Variants in MTARC1 observed in about 807,000 individuals in gnomAD.
The protein encoded by MTARC1 is mitochondrial amidoxime-reducing component 1.
Under a neutral mutation model 33.6 loss-of-function variants are expected in MTARC1, and 24 were observed. The ratio of observed to expected loss-of-function variants is 0.72; its 90% CI spans 0.52 to 1.01. The LOEUF is 1.01. Ranked by LOEUF, MTARC1 falls within the 50% of genes least tolerant of loss-of-function variation. The pLI, the probability that MTARC1 is intolerant of heterozygous loss-of-function variation, is 0.00. For synonymous variants in MTARC1, 187 were observed against 189.5 expected (o/e 0.99, Z 0.11); for missense variants, 417 against 445.7 (o/e 0.94, Z 0.58).
rs1297369032 is a variant in MTARC1 at position 220,813,592 on chromosome 1, A to C, written c.*174A>C. 80 of 754,372 alleles carry C rather than the reference A, an allele frequency of 1.1e-4. 1 individual carries two copies. In the Admixed American group the frequency reaches 2.2e-3, roughly 21 times the overall value. The allele number at this position is 754,372 out of a possible 1,614,324, so 46.7% of individuals were successfully genotyped here. A position where few individuals can be genotyped will look rare whatever the true frequency, so the allele number is the denominator to read the frequency against. On this transcript the variant is annotated 3_prime_UTR_variant, in exon 7 of 7. Coordinates refer to ENST00000366910, the MANE Select transcript of MTARC1 (RefSeq NM_022746.4). ...TCTCAATGCTTCAATGTCCCAGTGCAAAAAGTAAAGAAATATAGTCTCAAT... is the reference window on the plus strand; with the variant it reads ...TCTCAATGCTTCAATGTCCCAGTGCCAAAAGTAAAGAAATATAGTCTCAAT...
intron 5 of MTARC1, 29 bp from the exon 6 acceptor site, chr1:220,805,174 C>G (rs754762560): frequency 1.2e-5 from 19 of 1,613,934 alleles, no homozygotes; most frequent in Non-Finnish European, 1.6e-5. Flanking sequence ...TGCTCTGTCC[C>G]CCTTATGATG....
Position 220,803,409 on chromosome 1 carries a change from G to A in MTARC1, c.754-1643G>A, listed in dbSNP as rs112919559. Among the ~76,000 whole-genome samples, 1,375 of 152,278 alleles carry A rather than the reference G, an allele frequency of 9.0e-3. 8 individuals carry two copies. The highest frequency in any genetic ancestry group is 0.012 in the Non-Finnish European group (807 of 68,026). On this transcript the variant is annotated intron_variant, in intron 4 of 6. Transcript: ENST00000366910. ...TGGAGACACAGCCAAACCATATCAC[G>A]AACGAAAGCTCCAAACTGCAAACTG...
Position 220,787,090 on chromosome 1 carries a change from G to C in MTARC1, c.146G>C (p.Arg49Pro). The change falls in exon 1 of 7, where the codon CGG becomes CCG. Residue 49 changes from arginine to proline, a missense_variant. Arg to Pro is a moderately radical substitution (Grantham distance 103, BLOSUM62 -2). Transcript: ENST00000366910. The part of the protein sequence containing the change: ...AWRRAWPTRR[R>P]RLLQQVGTVA... ...CGCCGCGCATGGCCCACGCGGCGCCGGCGGCTGCTGCAGCAGGTGGGCACA... is the reference window on the plus strand; with the variant it reads ...CGCCGCGCATGGCCCACGCGGCGCCCGCGGCTGCTGCAGCAGGTGGGCACA... 6.6e-7 allele frequency: 1 copy of C among 1,506,404 alleles called. No individual in the cohort carries two copies. Among genetic ancestry groups the C allele is most frequent in the Non-Finnish European group, 8.8e-7 (1 of 1,131,242 alleles). The allele number at this position is 1,506,404 out of a possible 1,614,324, so 93.3% of individuals were successfully genotyped here. A position where few individuals can be genotyped will look rare whatever the true frequency, so the allele number is the denominator to read the frequency against.
intron 4 of MTARC1, chr1:220,798,260 A>T (rs1672684822): frequency 1.4e-6 from 2 of 1,416,292 alleles, no homozygotes; most frequent in Non-Finnish European, 1.9e-6. Flanking sequence ...TTCTAAGGAG[A>T]ATTCTGAGTT....
In MTARC1 at chr1:220,805,091, A is replaced by G. The variant is rs1316191330; in HGVS notation, c.793A>G (p.Lys265Glu). 1 of 1,613,990 alleles carries G rather than the reference A, an allele frequency of 6.2e-7. No individual in the cohort carries two copies. The highest frequency in any genetic ancestry group is 1.3e-5 in the African/African-American group (1 of 74,898). Residue 265 changes from lysine to glutamate, a missense_variant, in exon 5 of 7, where the codon AAA becomes GAA. Lys to Glu is a moderately conservative substitution (Grantham distance 56). Coordinates refer to ENST00000366910, the MANE Select transcript of MTARC1 (RefSeq NM_022746.4). ...GCTTCTTATTGGTGACGTGGAACTG[A>G]AAAGGGTGATGGCTTGTTCCAGGTA... Reference protein sequence around the residue: ...DELLIGDVELKRVMACSRCIL... With the variant: ...DELLIGDVELERVMACSRCIL...
At position 220,816,536 on chromosome 1, in the gene MTARC1, A is replaced by G. The variant is rs1351659986; in HGVS notation, c.*3118A>G. 6.6e-6 allele frequency: 1 copy of G among 152,232 alleles called. No homozygotes were observed. Among genetic ancestry groups the G allele is most frequent in the Non-Finnish European group, 1.5e-5 (1 of 68,046 alleles). 9.4% of individuals were successfully genotyped at this position (152,232 alleles called of 1,614,324 possible). ...AGTCCTGCGTGCCTCACTTCTCTTC[A>G]AAGGCAAAAGGCTCTGGAGAGGCCT... On this transcript the variant is annotated 3_prime_UTR_variant, in exon 7 of 7. Coordinates refer to ENST00000366910, the MANE Select transcript of MTARC1 (RefSeq NM_022746.4).
At chr1:220,809,123 C>T in intron 6 of MTARC1, 1 of 337,290 alleles carries the variant, frequency 3.0e-6, no homozygotes, top group South Asian at 2.3e-5. Flanking sequence ...AGACTCTCCA[C>T]CCTAGTCTGG....
rs897837881 is a variant in MTARC1, at chr1:220,791,779, A to C, written c.449+115A>C. ...ATATCAATAATGAACCGTTGATTGCATGTGTACCATATACAGAATGAAGTC... is the reference window on the plus strand; with the variant it reads ...ATATCAATAATGAACCGTTGATTGCCTGTGTACCATATACAGAATGAAGTC... On this transcript the variant is annotated intron_variant, in intron 2 of 6. Coordinates refer to ENST00000366910, the MANE Select transcript of MTARC1 (RefSeq NM_022746.4). The C allele has an allele frequency of 7.7e-5, 88 of 1,138,374 alleles. No homozygotes were observed. The African/African-American group carries it at 1.3e-3, about 17-fold the overall frequency. 70.5% of individuals were successfully genotyped at this position (1,138,374 alleles called of 1,614,324 possible).
At position 220,804,063 on chromosome 1, in the gene MTARC1, T is replaced by C. The variant is rs377683197; in HGVS notation, c.754-989T>C. On this transcript the variant is annotated intron_variant, in intron 4 of 6. Transcript: ENST00000366910. ...CAGGTCTTTGCCTTCCGCCCTCGTG[T>C]GGTGGGCAATTCTCTCCGAGGGTAA... Among the ~76,000 whole-genome samples, 4 of 152,266 alleles carry C rather than the reference T, an allele frequency of 2.6e-5. No individual in the cohort carries two copies. The East Asian group carries it at 7.7e-4, about 29-fold the overall frequency.
At chr1:220,792,034 A>G (rs1672440984) in intron 2 of MTARC1, among the ~76,000 whole-genome samples, 1 of 152,228 alleles carries the variant, frequency 6.6e-6, no homozygotes, top group Non-Finnish European at 1.5e-5. Context: ...ACGTATTCTC[A>G]TAGAACTTTT....
In MTARC1 at chr1:220,787,050, G is replaced by C; in HGVS notation, c.106G>C (p.Gly36Arg). The C allele has an allele frequency of 7.1e-7, 1 of 1,410,882 alleles. No homozygotes were observed. Among genetic ancestry groups the C allele is most frequent in the Non-Finnish European group, 9.2e-7 (1 of 1,091,856 alleles). The allele number at this position is 1,410,882 out of a possible 1,614,324, so 87.4% of individuals were successfully genotyped here. A position where few individuals can be genotyped will look rare whatever the true frequency, so the allele number is the denominator to read the frequency against. The change falls in exon 1 of 7, where the codon GGG becomes CGG. Residue 36 changes from glycine to arginine, a missense_variant. Physicochemically the swap from Gly to Arg is moderately radical, Grantham distance 125. Transcript: ENST00000366910. ...GCTGGGCCTGACCGCGGTGGCGCTGGGGGCTGTCGCCTGGCGCCGCGCATG... is the reference window on the plus strand; with the variant it reads ...GCTGGGCCTGACCGCGGTGGCGCTGCGGGCTGTCGCCTGGCGCCGCGCATG... ...AALGLTAVAL[G>R]AVAWRRAWPT...
Position 220,813,425 on chromosome 1 carries a change from C to T in MTARC1, c.*7C>T, listed in dbSNP as rs764019031. 5 of 1,613,956 alleles carry T rather than the reference C, an allele frequency of 3.1e-6. No individual in the cohort carries two copies. The South Asian group carries it at 5.5e-5, about 18-fold the overall frequency. Reference sequence around the variant, plus strand: ...GTACCTGCTGGGCCAGTAATGGGAACCGTATGTCCTGGAATATTAGATGCC... The same window carrying T: ...GTACCTGCTGGGCCAGTAATGGGAATCGTATGTCCTGGAATATTAGATGCC... On this transcript the variant is annotated 3_prime_UTR_variant, in exon 7 of 7. Transcript: ENST00000366910.
intron 4 of MTARC1, 32 bp from the exon 5 acceptor site, chr1:220,805,020 A>G (rs1196846616): frequency 6.2e-7 from 1 of 1,610,136 alleles, no homozygotes; most frequent in South Asian, 1.1e-5. Context: ...GGGCCCAGAG[A>G]TGCTCATGGG....
chr1:220,787,311 C>A, intron 1 of MTARC1, 92 bp downstream of exon 1: 1 of 1,380,298 alleles, frequency 7.2e-7, no homozygotes, highest in South Asian at 1.6e-5. Flanking sequence ...GCAGAGTCTG[C>A]TAACAGGTCC....
intron 1 of MTARC1, among the ~76,000 whole-genome samples, chr1:220,787,591 T>A (rs981796517): frequency 1.3e-5 from 2 of 151,984 alleles, no homozygotes; most frequent in Admixed American, 6.5e-5. Context: ...TGGTTCCCAG[T>A]CGCTATTTTG....
At chr1:220,794,516 G>C (rs1672541447) in intron 2 of MTARC1, among the ~76,000 whole-genome samples, 1 of 150,594 alleles carries the variant, frequency 6.6e-6, no homozygotes, top group Non-Finnish European at 1.5e-5. Context: ...GCTAAAGCCT[G>C]TGAATAAGAA....
At chr1:220,789,370 C>T (rs1672352125) in intron 1 of MTARC1, among the ~76,000 whole-genome samples, 1 of 152,074 alleles carries the variant, frequency 6.6e-6, no homozygotes, top group Non-Finnish European at 1.5e-5. Context: ...TTCCCTGGGC[C>T]ACATTGGAAG....
At position 220,796,723 on chromosome 1, in the gene MTARC1, C is replaced by T. The variant is rs1672630114; in HGVS notation, c.530C>T (p.Pro177Leu). 1.9e-6 allele frequency: 3 copies of T among 1,612,950 alleles called. No homozygotes were observed. The highest frequency in any genetic ancestry group is 1.3e-5 in the African/African-American group (1 of 74,868). Residue 177 changes from proline to leucine, a missense_variant, in exon 3 of 7, where the codon CCC becomes CTC. Physicochemically the swap from Pro to Leu is moderately conservative, Grantham distance 98. Coordinates refer to ENST00000366910, the MANE Select transcript of MTARC1 (RefSeq NM_022746.4). The part of the protein sequence containing the change: ...QWITSFLKSQ[P>L]YRLVHFEPHM... Reference sequence around the variant, plus strand: ...ATAACCAGCTTCCTGAAGTCACAGCCCTACCGCCTGGTGCACTTCGAGCCT... The same window carrying T: ...ATAACCAGCTTCCTGAAGTCACAGCTCTACCGCCTGGTGCACTTCGAGCCT...
chr1:220,798,687 C>T (rs1045568312), intron 4 of MTARC1: 2 of 761,420 alleles, frequency 2.6e-6, no homozygotes, highest in East Asian at 1.3e-4. Flanking sequence ...TGGTGAGTGG[C>T]CACCAGCTGT....
Sources: gnomAD v4.1 joint callset for allele counts (sites outside exome capture counted in the v4.1 genomes callset) on GRCh38, gnomAD v4.1.1 for gene constraint, MANE v1.5 for transcripts, NCBI Gene and HGNC (gene_info 2026-07-23, HGNC 2026-07-21) for gene names.